Variants in RFT1 observed in about 807,000 individuals in gnomAD.
RFT1 encodes the protein man(5)GlcNAc(2)-PP-dolichol translocation protein RFT1.
Under a neutral mutation model 62.2 loss-of-function variants are expected in RFT1, and 43 were observed. The ratio of observed to expected loss-of-function variants is 0.69; its 90% CI spans 0.54 to 0.89. The LOEUF is 0.89. Among genes scored for constraint, RFT1 ranks in the 40% least tolerant of loss-of-function variants. The pLI is 0.00. For missense variants in RFT1, 605 were observed against 649.9 expected (o/e 0.93, Z 0.75); for synonymous variants, 262 against 264.6 (o/e 0.99, Z 0.10).
Position 53,106,834 on chromosome 3 carries a change from T to G in RFT1, c.811A>C (p.Asn271His). ...RYVMTFLNVL[N>H]FGDQGVYDIV... Reference sequence around the variant, plus strand: ...TTCATCTTACCCTGATCACCAAAGTTCAATACATTCAAAAATGTCATCACA... The same window carrying G: ...TTCATCTTACCCTGATCACCAAAGTGCAATACATTCAAAAATGTCATCACA... The change falls in exon 8 of 13, where the codon AAC becomes CAC. Residue 271 changes from asparagine to histidine, a missense_variant. Physicochemically the swap from Asn to His is moderately conservative, Grantham distance 68. Transcript: ENST00000296292. 6.2e-7 allele frequency: 1 copy of G among 1,613,246 alleles called. No homozygotes were observed. Among genetic ancestry groups the G allele is most frequent in the Non-Finnish European group, 8.5e-7 (1 of 1,179,332 alleles).
chr3:53,129,038 A>G (rs1702188096), intron 1 of RFT1, among the ~76,000 whole-genome samples: 1 of 152,210 alleles, frequency 6.6e-6, no homozygotes, highest in African/African-American at 2.4e-5. Flanking sequence ...TCTGAGTAGT[A>G]AGATATTATC....
chr3:53,115,500 C>G (rs1468774064), intron 6 of RFT1, among the ~76,000 whole-genome samples: 2 of 152,174 alleles, frequency 1.3e-5, no homozygotes, highest in Non-Finnish European at 2.9e-5. Context: ...CCACCTGACC[C>G]TAGCCTGGCA....
intron 7 of RFT1, among the ~76,000 whole-genome samples, chr3:53,107,264 C>T (rs925572602): frequency 6.6e-6 from 1 of 151,642 alleles, no homozygotes; most frequent in African/African-American, 2.4e-5. Flanking sequence ...GTCTCCCGAG[C>T]AGCTGGGACT....
At chr3:53,084,778 G>T (rs143654593), downstream of RFT1, among the ~76,000 whole-genome samples, 12 of 152,226 alleles carry the variant, frequency 7.9e-5, no homozygotes, top group African/African-American at 2.9e-4. Flanking sequence ...AGTCAATAGG[G>T]TCATAACATT....
At chr3:53,108,389 CTTTTTTT>C (rs60743696) in intron 7 of RFT1, among the ~76,000 whole-genome samples, 2 of 120,472 alleles carry the variant, frequency 1.7e-5, no homozygotes, top group African/African-American at 6.0e-5. Context: ...GCTTTCATAT[CTTTTTTT>C]TTTTTTTTTT....
chr3:53,104,543 T>C (rs1575488466), intron 9 of RFT1, among the ~76,000 whole-genome samples: 1 of 152,364 alleles, frequency 6.6e-6, no homozygotes, highest in African/African-American at 2.4e-5. Context: ...ATATTTATTC[T>C]TAAATGTGCA....
the RFT1 span, among the ~76,000 whole-genome samples, chr3:53,076,096 C>A: frequency 4.1e-4 from 63 of 152,356 alleles, 1 homozygote; most frequent in African/African-American, 1.2e-3. Flanking sequence ...GGGCCTGAGG[C>A]CCCTGCCCCA....
At chr3:53,095,717 A>C (rs1701120271) in intron 11 of RFT1, among the ~76,000 whole-genome samples, 1 of 27,294 alleles carries the variant, frequency 3.7e-5, no homozygotes. Context: ...CCCTGTCTCA[A>C]AAAAAGTTAA....
At chr3:53,070,408 T>G in the RFT1 span, among the ~76,000 whole-genome samples, 1,238 of 139,782 alleles carry the variant, frequency 8.9e-3, 29 homozygotes, top group Non-Finnish European at 0.014. Flanking sequence ...TTTTTTTTTT[T>G]TTTTTTTTTT....
chr3:53,099,852 G>GT (rs1701263478), intron 10 of RFT1, among the ~76,000 whole-genome samples: 1 of 152,124 alleles, frequency 6.6e-6, no homozygotes, highest in Admixed American at 6.5e-5. Context: ...GCTGTGTGTG[G>GT]TGGGCATGCC....
At chr3:53,118,294 G>A (rs1015768563) in intron 6 of RFT1, among the ~76,000 whole-genome samples, 5 of 152,188 alleles carry the variant, frequency 3.3e-5, no homozygotes, top group African/African-American at 7.2e-5. Context: ...GAACTCTTCT[G>A]CACTCTCGGA....
chr3:53,072,749 T>C, the RFT1 span, among the ~76,000 whole-genome samples: 1 of 152,212 alleles, frequency 6.6e-6, no homozygotes, highest in Non-Finnish European at 1.5e-5. Context: ...TTGTGGTGAC[T>C]GCACCCTGGG....
chr3:53,082,549 A>G, the RFT1 span, among the ~76,000 whole-genome samples: 1 of 152,176 alleles, frequency 6.6e-6, no homozygotes, highest in Non-Finnish European at 1.5e-5. Flanking sequence ...CCAGAGCTAA[A>G]GGGGGCTGTG....
At chr3:53,093,337 C>A (rs915678206) in intron 11 of RFT1, among the ~76,000 whole-genome samples, 1 of 152,208 alleles carries the variant, frequency 6.6e-6, no homozygotes, top group Non-Finnish European at 1.5e-5. Flanking sequence ...GCTTCTTGCA[C>A]TTCTCTGATT....
chr3:53,121,621 A>G, intron 5 of RFT1, 78 bp downstream of exon 5: 1 of 1,165,560 alleles, frequency 8.6e-7, no homozygotes, highest in Non-Finnish European at 1.3e-6. Context: ...AATGCAGACC[A>G]CACGGCGGTG....
At position 53,103,934 on chromosome 3, in the gene RFT1, G is replaced by A. The variant is rs1283383065; in HGVS notation, c.1102+19C>T. Reference sequence around the variant, plus strand: ...ATGTTGGGAAATCAGAAAAAATCCAGAAAAACTCTTGTGCGTACCGGATCC... The same window carrying A: ...ATGTTGGGAAATCAGAAAAAATCCAAAAAAACTCTTGTGCGTACCGGATCC... On this transcript the variant is annotated intron_variant, in intron 10 of 12. Transcript: ENST00000296292. The A allele has an allele frequency of 6.2e-7, 1 of 1,613,978 alleles. No homozygotes were observed. The highest frequency in any genetic ancestry group is 2.2e-5 in the East Asian group (1 of 44,896).
downstream of RFT1, among the ~76,000 whole-genome samples, chr3:53,086,784 C>T (rs1451578026): frequency 6.6e-6 from 1 of 152,146 alleles, no homozygotes. Flanking sequence ...CTTAGGGCCA[C>T]TGAGAACCTT....
At chr3:53,072,679 G>C in the RFT1 span, among the ~76,000 whole-genome samples, 15 of 152,320 alleles carry the variant, frequency 9.8e-5, no homozygotes, top group African/African-American at 3.1e-4. Context: ...GCCATTTAAG[G>C]TCTAGGGTCC....
At position 53,106,752 on chromosome 3, in the gene RFT1, A is replaced by G. The variant is rs1701486572; in HGVS notation, c.826+67T>C. On this transcript the variant is annotated intron_variant, in intron 8 of 12. Transcript: ENST00000296292. ...CATCTTTCATTAAATATATCAGAGAAAAATATTAGGAAGTATCTATTAATA... is the reference window on the plus strand; with the variant it reads ...CATCTTTCATTAAATATATCAGAGAGAAATATTAGGAAGTATCTATTAATA... The G allele has an allele frequency of 1.9e-5, 22 of 1,153,984 alleles. No individual in the cohort carries two copies. In the East Asian group the frequency reaches 5.4e-4, roughly 29 times the overall value. The allele number at this position is 1,153,984 out of a possible 1,614,324, so 71.5% of individuals were successfully genotyped here.
Sources: gnomAD v4.1 joint callset for allele counts (sites outside exome capture counted in the v4.1 genomes callset) on GRCh38, gnomAD v4.1.1 for gene constraint, MANE v1.5 for transcripts, NCBI Gene and HGNC (gene_info 2026-07-23, HGNC 2026-07-21) for gene names.